The following SGCZ variants were observed in gnomAD, a reference collection of about 807,000 sequenced individuals.
SGCZ encodes zeta-sarcoglycan.
Under a neutral mutation model 41.3 loss-of-function variants are expected in SGCZ, and 40 were observed. That is an observed-to-expected ratio of 0.97 (90% CI 0.75 to 1.26). The LOEUF (loss-of-function observed/expected upper bound fraction) is 1.26, where lower values mean the gene tolerates loss of function less well. SGCZ is among the 50% of genes most tolerant of loss of function. The pLI, the probability that SGCZ is intolerant of heterozygous loss-of-function variation, is 0.00. For synonymous variants in SGCZ, 206 were observed against 137.5 expected (o/e 1.50, Z -3.49); for missense variants, 552 against 369.8 (o/e 1.49, Z -4.04).
chr8:14,094,456 G>C (rs1170182564), intron 7 of SGCZ, among the ~76,000 whole-genome samples: 1 of 152,078 alleles, frequency 6.6e-6, no homozygotes, highest in African/African-American at 2.4e-5. Flanking sequence ...TCCCCGCAAA[G>C]GACATGAACT....
intron 1 of SGCZ, among the ~76,000 whole-genome samples, chr8:14,602,727 C>G (rs893145910): frequency 1.1e-4 from 17 of 151,958 alleles, no homozygotes; most frequent in African/African-American, 3.6e-4. Context: ...TCTATACTGT[C>G]GTTGTCTGTT....
chr8:15,203,598 C>T (rs7013214), intron 1 of SGCZ, among the ~76,000 whole-genome samples: 131,506 of 152,226 alleles, frequency 0.86, 56,969 homozygotes, highest in Middle Eastern at 0.9. Context: ...TACTTTTAAA[C>T]AGACAAATGT....
intron 4 of SGCZ, among the ~76,000 whole-genome samples, chr8:14,166,202 A>T (rs977177934): frequency 2.6e-4 from 39 of 152,218 alleles, no homozygotes; most frequent in African/African-American, 8.7e-4. Context: ...ATTTTTAAAA[A>T]TAGAATTCAT....
intron 4 of SGCZ, among the ~76,000 whole-genome samples, chr8:14,206,202 C>T (rs1214604606): frequency 6.6e-6 from 1 of 152,034 alleles, no homozygotes; most frequent in Non-Finnish European, 1.5e-5. Context: ...CTAAAAACAA[C>T]TTTTACTCCT....
chr8:14,264,426 A>T (rs1799799843), intron 3 of SGCZ, among the ~76,000 whole-genome samples: 1 of 152,158 alleles, frequency 6.6e-6, no homozygotes, highest in Admixed American at 6.5e-5. Context: ...AGCCTCAGAC[A>T]GAAATCCATG....
chr8:14,478,096 A>C (rs1801412657), intron 2 of SGCZ, among the ~76,000 whole-genome samples: 1 of 152,264 alleles, frequency 6.6e-6, no homozygotes, highest in African/African-American at 2.4e-5. Context: ...TTCACTGCAG[A>C]AATGAAAATG....
chr8:14,789,742 G>A (rs1336580557), intron 1 of SGCZ, among the ~76,000 whole-genome samples: 1 of 151,950 alleles, frequency 6.6e-6, no homozygotes, highest in East Asian at 1.9e-4. Context: ...GAGCATCTCT[G>A]CTTCTTTTAT....
intron 4 of SGCZ, among the ~76,000 whole-genome samples, chr8:14,172,082 T>C (rs1315383619): frequency 6.6e-6 from 1 of 152,144 alleles, no homozygotes; most frequent in Non-Finnish European, 1.5e-5. Context: ...GAAAGTCTGG[T>C]TTCTGAAAAA....
At chr8:14,500,164 C>A (rs953600647) in intron 2 of SGCZ, among the ~76,000 whole-genome samples, 3 of 152,094 alleles carry the variant, frequency 2.0e-5, no homozygotes, top group Admixed American at 6.6e-5. Context: ...TTGTTTCATA[C>A]ATACTTTGCC....
At chr8:14,342,722 CAGGCTGATTATGT>C in intron 2 of SGCZ, among the ~76,000 whole-genome samples, 1 of 152,126 alleles carries the variant, frequency 6.6e-6, no homozygotes, top group East Asian at 1.9e-4. Flanking sequence ...GGAAATTATG[CAGGCTGATTATGT>C]GATAGAAAAG....
intron 4 of SGCZ, among the ~76,000 whole-genome samples, chr8:14,173,495 C>T (rs535933751): frequency 7.9e-4 from 120 of 152,130 alleles, no homozygotes; most frequent in African/African-American, 2.8e-3. Flanking sequence ...GGACTAAATT[C>T]GCGTATTATA....
At chr8:15,207,986 G>T (rs1421228073) in intron 1 of SGCZ, among the ~76,000 whole-genome samples, 3 of 152,162 alleles carry the variant, frequency 2.0e-5, no homozygotes, top group African/African-American at 7.2e-5. Flanking sequence ...TGCTTAGCCT[G>T]CTTTCAGATT....
At chr8:14,153,401 C>T (rs886480983) in intron 5 of SGCZ, among the ~76,000 whole-genome samples, 1 of 152,008 alleles carries the variant, frequency 6.6e-6, no homozygotes, top group Non-Finnish European at 1.5e-5. Context: ...CTCTGAATAC[C>T]AGTGCAAGGC....
Position 14,895,220 on chromosome 8 carries a change from G to A in SGCZ, c.40-340294C>T, listed in dbSNP as rs192088620. ...CCAACTAGTTGTGTCATTTGGTGTG[G>A]TGGTTACTTGGGTTCAAATCCTACC... On this transcript the variant is annotated intron_variant, in intron 1 of 7. Transcript: ENST00000382080. Among the ~76,000 whole-genome samples the A allele has an allele frequency of 4.0e-3, 615 of 152,228 alleles. 4 individuals are homozygous for A. The highest frequency in any genetic ancestry group is 0.018 in the South Asian group (87 of 4,824).
intron 1 of SGCZ, among the ~76,000 whole-genome samples, chr8:14,624,589 G>C (rs1191365907): frequency 7.3e-5 from 3 of 41,236 alleles, no homozygotes; most frequent in Admixed American, 2.9e-4. Flanking sequence ...TTTTTTTTTT[G>C]AGACGGAGTC....
intron 3 of SGCZ, among the ~76,000 whole-genome samples, chr8:14,292,952 T>G (rs1294973849): frequency 6.6e-6 from 1 of 152,044 alleles, no homozygotes; most frequent in Non-Finnish European, 1.5e-5. Flanking sequence ...GTATAACATC[T>G]AGAAAACTTT....
chr8:14,397,779 C>A (rs1798961225), intron 2 of SGCZ, among the ~76,000 whole-genome samples: 1 of 152,096 alleles, frequency 6.6e-6, no homozygotes, highest in Admixed American at 6.6e-5. Context: ...TCATCTGTCA[C>A]CAGCATCTTC....
At chr8:14,550,517 T>G (rs1803770766) in intron 2 of SGCZ, among the ~76,000 whole-genome samples, 1 of 152,016 alleles carries the variant, frequency 6.6e-6, no homozygotes, top group Non-Finnish European at 1.5e-5. Flanking sequence ...TAGTTTAAAG[T>G]GTCAGTGATG....
At chr8:14,174,987 A>G (rs13282100) in intron 4 of SGCZ, among the ~76,000 whole-genome samples, 49,916 of 152,050 alleles carry the variant, frequency 0.33, 10,793 homozygotes, top group Non-Finnish European at 0.49. Flanking sequence ...CCACCCTATT[A>G]ATCTCATTTT....
Sources: gnomAD v4.1 joint callset for allele counts (sites outside exome capture counted in the v4.1 genomes callset) on GRCh38, gnomAD v4.1.1 for gene constraint, MANE v1.5 for transcripts, NCBI Gene and HGNC (gene_info 2026-07-23, HGNC 2026-07-21) for gene names.